Variants in DLST observed in about 807,000 individuals in gnomAD.
DLST encodes dihydrolipoyllysine-residue succinyltransferase component of 2-oxoglutarate dehydrogenase complex, mitochondrial.
Under a neutral mutation model 53.1 loss-of-function variants are expected in DLST, and 17 were observed. The ratio of observed to expected loss-of-function variants is 0.32; its 90% CI spans 0.22 to 0.48. The LOEUF (loss-of-function observed/expected upper bound fraction) is 0.48, where lower values mean the gene tolerates loss of function less well. Ranked by LOEUF, DLST falls within the 20% of genes least tolerant of loss-of-function variation. The pLI is 0.99. For missense variants in DLST, 512 were observed against 583.9 expected, an observed-to-expected ratio of 0.88 and a Z score of 1.27; for synonymous variants, 206 against 204.8, an observed-to-expected ratio of 1.01 and a Z score of -0.05.
intron 7 of DLST, chr14:74,891,396 G>A: frequency 2.5e-6 from 3 of 1,189,684 alleles, no homozygotes; most frequent in South Asian, 2.9e-5. Context: ...TTCCATGGGT[G>A]TTTCTTAGCA....
intron 10 of DLST, among the ~76,000 whole-genome samples, chr14:74,897,408 C>T (rs1377529038): frequency 6.6e-6 from 1 of 152,220 alleles, no homozygotes; most frequent in East Asian, 1.9e-4. Flanking sequence ...AACTGCATTA[C>T]TGCATTCCGA....
intron 14 of DLST, 25 bp from the exon 15 acceptor site, chr14:74,902,171 A>G: frequency 6.6e-7 from 1 of 1,526,308 alleles, no homozygotes; most frequent in Non-Finnish European, 8.9e-7. Context: ...CTGGAGACAA[A>G]CCTATTTACC....
intron 13 of DLST, 54 bp downstream of exon 13, chr14:74,900,426 C>CAGA (rs1201791646): frequency 6.5e-7 from 1 of 1,538,932 alleles, no homozygotes; most frequent in Non-Finnish European, 9.0e-7. Flanking sequence ...AGAGAGCCTT[C>CAGA]AGAAGGCTGG....
At chr14:74,891,625 G>A in intron 7 of DLST, 3 of 986,004 alleles carry the variant, frequency 3.0e-6, no homozygotes, top group Non-Finnish European at 2.4e-6. Flanking sequence ...TCTCTAGGAA[G>A]GGTTGGTATT....
At chr14:74,898,557 AC>A in intron 11 of DLST, 58 bp downstream of exon 11, 1 of 1,567,022 alleles carries the variant, frequency 6.4e-7, no homozygotes, top group Non-Finnish European at 8.7e-7. Context: ...ATGAGCACAG[AC>A]CTGCTCCCAC....
At chr14:74,898,804 T>C (rs754991529) in intron 11 of DLST, among the ~76,000 whole-genome samples, 40 of 152,144 alleles carry the variant, frequency 2.6e-4, no homozygotes, top group Non-Finnish European at 5.0e-4. Flanking sequence ...AAGCACGTGT[T>C]CTGGCTTCCT....
At chr14:74,889,797 T>C (rs575369288) in intron 5 of DLST, 100 bp from the exon 6 acceptor site, 11 of 1,131,222 alleles carry the variant, frequency 9.7e-6, no homozygotes, top group Middle Eastern at 2.0e-4. Flanking sequence ...GCTGGCCCTG[T>C]AGGAAAGGGT....
At chr14:74,889,721 C>T in intron 5 of DLST, 176 bp from the exon 6 acceptor site, 1 of 613,056 alleles carries the variant, frequency 1.6e-6, no homozygotes, top group African/African-American at 1.9e-5. Flanking sequence ...ATCTAAAATT[C>T]TCCCCTCCCC....
At chr14:74,899,227 CT>C (rs1884166116) in intron 11 of DLST, among the ~76,000 whole-genome samples, 2 of 151,952 alleles carry the variant, frequency 1.3e-5, no homozygotes, top group African/African-American at 4.8e-5. Flanking sequence ...CCCTGACTGG[CT>C]CTCATCTTTT....
Position 74,899,946 on chromosome 14 carries a change from G to A in DLST, c.925G>A (p.Val309Met). 6.2e-7 allele frequency: 1 copy of A among 1,613,518 alleles called. No individual in the cohort carries two copies. The highest frequency in any genetic ancestry group is 8.5e-7 in the Non-Finnish European group (1 of 1,179,798). ...AGTGATTGACGACACAACCAAAGAG[G>A]TGGTGTATAGGGATTATATTGACAT... ...NAVIDDTTKE[V>M]VYRDYIDISV... The change falls in exon 12 of 15, where the codon GTG (valine) becomes ATG (methionine). Residue 309 changes from valine to methionine, a missense_variant. By Grantham distance (21) the Val-to-Met change is conservative (BLOSUM62 1). This residue lies in a region of DLST where 186 missense variants were observed against 260.4 expected (regional missense o/e 0.71). Coordinates refer to ENST00000334220, the MANE Select transcript of DLST (RefSeq NM_001933.5).
intron 14 of DLST, 77 bp from the exon 15 acceptor site, chr14:74,902,119 G>C: frequency 9.2e-6 from 13 of 1,410,110 alleles, no homozygotes; most frequent in Non-Finnish European, 1.2e-5. Context: ...ACTTTCTTAT[G>C]GGCTGTGCTA....
intron 14 of DLST, 39 bp from the exon 15 acceptor site, chr14:74,902,157 C>CT (rs1884272338): frequency 6.7e-7 from 1 of 1,498,750 alleles, no homozygotes; most frequent in African/African-American, 1.4e-5. Context: ...CTGGCTGTGG[C>CT]TTGCTGGAGA....
chr14:74,900,039 C>T, intron 12 of DLST, 43 bp downstream of exon 12: 1 of 1,481,034 alleles, frequency 6.8e-7, no homozygotes, highest in Non-Finnish European at 9.4e-7. Context: ...CTTAGACCCT[C>T]ACCTTATCTG....
chr14:74,893,353 G>T lies in DLST; in HGVS notation c.601G>T (p.Ala201Ser), dbSNP rs1883973545. 6.2e-7 allele frequency: 1 copy of T among 1,614,178 alleles called. No individual in the cohort carries two copies. Among genetic ancestry groups the T allele is most frequent in the Non-Finnish European group, 8.5e-7 (1 of 1,180,028 alleles). The change falls in exon 9 of 15, where the codon GCA (alanine) becomes TCA (serine). Residue 201 changes from alanine (A) to serine (S), a missense_variant. Ala to Ser is a moderately conservative substitution (Grantham distance 99). Coordinates refer to ENST00000334220, the MANE Select transcript of DLST (RefSeq NM_001933.5). The stretch of plus-strand genomic sequence containing the variant: ...TATCCTCTTTTCATTTTCAGTGTCT[G>T]CAGTAAAACCCACTGTTGCCCCACC... ...SQPPSGKPVS[A>S]VKPTVAPPLA...
chr14:74,899,362 G>T (rs962976011), intron 11 of DLST, among the ~76,000 whole-genome samples: 1 of 151,970 alleles, frequency 6.6e-6, no homozygotes, highest in Non-Finnish European at 1.5e-5. Flanking sequence ...ACTTTCTGCG[G>T]AAATGATTCC....
chr14:74,885,647 G>C lies in DLST; in HGVS notation c.146+13G>C, dbSNP rs765609125. 1.2e-6 allele frequency: 2 copies of C among 1,608,670 alleles called. No individual in the cohort carries two copies. Among genetic ancestry groups the C allele is most frequent in the East Asian group, 2.2e-5 (1 of 44,802 alleles). ...GCAGGAAGGTTGTGTAAGTATCACTGGGGAGTACAGATATGTGGCCACGGG... is the reference window on the plus strand; with the variant it reads ...GCAGGAAGGTTGTGTAAGTATCACTCGGGAGTACAGATATGTGGCCACGGG... On this transcript the variant is annotated intron_variant, in intron 3 of 14. Coordinates refer to ENST00000334220, the MANE Select transcript of DLST (RefSeq NM_001933.5).
At chr14:74,894,697 C>T (rs568006066) in intron 10 of DLST, among the ~76,000 whole-genome samples, 2 of 152,084 alleles carry the variant, frequency 1.3e-5, no homozygotes, top group Admixed American at 6.5e-5. Flanking sequence ...AGGCGCCCCC[C>T]ACCACGCCTG....
chr14:74,898,575 A>G (rs1884145266), intron 11 of DLST, 76 bp downstream of exon 11: 5 of 1,514,828 alleles, frequency 3.3e-6, no homozygotes, highest in Non-Finnish European at 4.4e-6. Context: ...CCACATGCAG[A>G]GGATCAACAG....
At chr14:74,894,698 A>G (rs1291339345) in intron 10 of DLST, among the ~76,000 whole-genome samples, 1 of 151,920 alleles carries the variant, frequency 6.6e-6, no homozygotes, top group Non-Finnish European at 1.5e-5. Flanking sequence ...GGCGCCCCCC[A>G]CCACGCCTGG....
Sources: allele counts gnomAD v4.1 joint callset (sites outside exome capture counted in the v4.1 genomes callset), GRCh38; gene constraint gnomAD v4.1.1; regional missense constraint gnomAD v4.1.1; transcripts MANE v1.5; gene names NCBI Gene and HGNC (gene_info 2026-07-23, HGNC 2026-07-21).